Variants in KATNIP observed in about 807,000 individuals in gnomAD.
KATNIP encodes katanin-interacting protein.
Under a neutral mutation model 174.0 loss-of-function variants are expected in KATNIP, and 126 were observed. That is an observed-to-expected ratio of 0.72 (90% CI 0.63 to 0.84). The LOEUF (loss-of-function observed/expected upper bound fraction) is 0.84. Among genes scored for constraint, KATNIP ranks in the 40% least tolerant of loss-of-function variants. KATNIP has a pLI of 0.00. For missense variants in KATNIP, 1,958 were observed against 2,109.7 expected, an observed-to-expected ratio of 0.93 and a Z score of 1.41; for synonymous variants, 810 against 835.7, an observed-to-expected ratio of 0.97 and a Z score of 0.53.
chr16:27,669,398 C>T (rs2077807196), intron 6 of KATNIP: 1 of 620,858 alleles, frequency 1.6e-6, no homozygotes, highest in Non-Finnish European at 2.0e-6. Flanking sequence ...GGCCTCCATG[C>T]AGAGGGCTTT....
intron 5 of KATNIP, 98 bp downstream of exon 5, chr16:27,631,260 C>A: frequency 2.2e-6 from 2 of 912,370 alleles, no homozygotes; most frequent in Non-Finnish European, 3.4e-6. Flanking sequence ...CCCCATGGGC[C>A]AGGCACAGTG....
chr16:27,698,337 G>C lies in KATNIP; in HGVS notation c.950G>C (p.Ser317Thr), dbSNP rs780029416. Residue 317 changes from serine (S) to threonine (T), a missense_variant, in exon 9 of 28, where the codon AGC becomes ACC. Transcript: ENST00000261588. ...DQERMCSRPG[S>T]RRERPLSATR... ...TGTCTTCTGCCCTCAGGACCTGGAA[G>C]CCGGCGAGAGAGACCCCTGTCTGCA... 4 of 1,608,324 alleles carry C rather than the reference G, an allele frequency of 2.5e-6. No homozygotes were observed. The highest frequency in any genetic ancestry group is 3.4e-6 in the Non-Finnish European group (4 of 1,176,402).
chr16:27,714,212 A>G (rs1290400603), intron 13 of KATNIP, among the ~76,000 whole-genome samples: 3 of 151,670 alleles, frequency 2.0e-5, no homozygotes, highest in Non-Finnish European at 3.0e-5. Flanking sequence ...CCCAGTCACT[A>G]TCACATCATC....
chr16:27,690,866 T>C (rs2078705687), intron 8 of KATNIP, among the ~76,000 whole-genome samples: 1 of 152,180 alleles, frequency 6.6e-6, no homozygotes, highest in African/African-American at 2.4e-5. Context: ...GGTTCCCACA[T>C]ATGAATACTG....
At chr16:27,563,365 G>C (rs2141612614) in intron 1 of KATNIP, among the ~76,000 whole-genome samples, 1 of 152,270 alleles carries the variant, frequency 6.6e-6, no homozygotes, top group South Asian at 2.1e-4. Flanking sequence ...GCAGAAGAGG[G>C]ATGTGGGACT....
intron 20 of KATNIP, among the ~76,000 whole-genome samples, 163 bp from the exon 21 acceptor site, chr16:27,769,698 C>T (rs981709370): frequency 2.0e-5 from 3 of 152,260 alleles, no homozygotes; most frequent in Admixed American, 6.5e-5. Context: ...ACCTGCCCAG[C>T]GCCCACACAG....
chr16:27,708,156 A>G (rs2079404490), intron 12 of KATNIP, among the ~76,000 whole-genome samples: 2 of 151,696 alleles, frequency 1.3e-5, no homozygotes, highest in Admixed American at 6.6e-5. Flanking sequence ...AGCTGGGACT[A>G]CAGGCATGTG....
intron 6 of KATNIP, among the ~76,000 whole-genome samples, chr16:27,670,962 C>T (rs2077877343): frequency 6.6e-6 from 1 of 152,154 alleles, no homozygotes; most frequent in African/African-American, 2.4e-5. Flanking sequence ...GAAGCCACGG[C>T]AGGTGGATCA....
At chr16:27,649,337 A>T (rs542988357) in intron 6 of KATNIP, among the ~76,000 whole-genome samples, 1 of 152,316 alleles carries the variant, frequency 6.6e-6, no homozygotes, top group East Asian at 1.9e-4. Context: ...TCAGATTGCC[A>T]TTTCATTCCT....
intron 2 of KATNIP, among the ~76,000 whole-genome samples, chr16:27,600,334 A>C (rs1420131296): frequency 3.9e-5 from 6 of 152,170 alleles, no homozygotes; most frequent in East Asian, 1.9e-4. Flanking sequence ...TCTTGACTGC[A>C]GTATGTGAGA....
chr16:27,733,939 C>T lies in KATNIP; in HGVS notation c.1744-6102C>T, dbSNP rs28432933. Among the ~76,000 whole-genome samples the T allele has an allele frequency of 5.3e-3, 807 of 152,098 alleles. 7 individuals are homozygous for T. The highest frequency in any genetic ancestry group is 0.019 in the African/African-American group (774 of 41,446). On this transcript the variant is annotated intron_variant, in intron 14 of 27. Transcript: ENST00000261588. Reference sequence around the variant, plus strand: ...CCCTTGTGGTATAATGACACTTATGCGGTATATACGTAAATATGTAGAAAA... The same window carrying T: ...CCCTTGTGGTATAATGACACTTATGTGGTATATACGTAAATATGTAGAAAA...
At chr16:27,696,277 G>A (rs2078908970) in intron 8 of KATNIP, among the ~76,000 whole-genome samples, 1 of 151,950 alleles carries the variant, frequency 6.6e-6, no homozygotes, top group African/African-American at 2.4e-5. Flanking sequence ...TTCTTTACAG[G>A]TATTCTGTAA....
intron 3 of KATNIP, among the ~76,000 whole-genome samples, chr16:27,626,466 C>A (rs960486877): frequency 3.3e-5 from 5 of 152,146 alleles, no homozygotes; most frequent in African/African-American, 1.2e-4. Context: ...GAATTACCAG[C>A]GATGTCTAAG....
rs114462903 is a variant in KATNIP at position 27,563,406 on chromosome 16, C to T, written c.8-10495C>T. Reference sequence around the variant, plus strand: ...CAGTGGTGCACGCCTGTGGTCCCATCTGTGCAGGAGTCCACTTGGGTGTAT... The same window carrying T: ...CAGTGGTGCACGCCTGTGGTCCCATTTGTGCAGGAGTCCACTTGGGTGTAT... On this transcript the variant is annotated intron_variant, in intron 1 of 27. Coordinates refer to ENST00000261588, the MANE Select transcript of KATNIP (RefSeq NM_015202.5). 8.0e-3 allele frequency among the ~76,000 whole-genome samples: 1,214 copies of T among 152,262 alleles called. 16 individuals carry two copies. Among genetic ancestry groups the T allele is most frequent in the African/African-American group, 0.028 (1,158 of 41,570 alleles).
At chr16:27,665,237 G>A (rs1041736171) in intron 6 of KATNIP, among the ~76,000 whole-genome samples, 3 of 151,456 alleles carry the variant, frequency 2.0e-5, no homozygotes, top group African/African-American at 7.3e-5. Flanking sequence ...CTGAGTAGCT[G>A]GGATTATAGG....
chr16:27,671,304 G>A (rs1000349200), intron 6 of KATNIP, among the ~76,000 whole-genome samples: 9 of 152,136 alleles, frequency 5.9e-5, no homozygotes, highest in African/African-American at 1.7e-4. Context: ...AATTGAGTTC[G>A]TGTTATATGT....
At chr16:27,638,900 C>T (rs1235453317) in intron 5 of KATNIP, among the ~76,000 whole-genome samples, 1 of 150,280 alleles carries the variant, frequency 6.7e-6, no homozygotes, top group Non-Finnish European at 1.5e-5. Flanking sequence ...CTTGAACTCC[C>T]GGGCTCATGC....
chr16:27,602,832 G>T (rs1448115496), intron 2 of KATNIP, among the ~76,000 whole-genome samples: 1 of 152,106 alleles, frequency 6.6e-6, no homozygotes, highest in East Asian at 1.9e-4. Context: ...CCGAGTAGCT[G>T]TGATTACAGG....
chr16:27,735,728 C>G (rs1490682035), intron 14 of KATNIP, among the ~76,000 whole-genome samples: 8 of 152,196 alleles, frequency 5.3e-5, no homozygotes, highest in Admixed American at 5.2e-4. Flanking sequence ...CTGCGGAAAC[C>G]TCTGTAACTC....
Sources: gnomAD v4.1 joint callset for allele counts (sites outside exome capture counted in the v4.1 genomes callset) on GRCh38, gnomAD v4.1.1 for gene constraint, MANE v1.5 for transcripts, NCBI Gene and HGNC (gene_info 2026-07-23, HGNC 2026-07-21) for gene names.